SCMH1: variants seen among roughly 807,000 people sequenced by gnomAD.
SCMH1 encodes the protein polycomb protein SCMH1.
SCMH1 carries 37 observed loss-of-function variants against 70.8 expected under a neutral mutation model. The ratio of observed to expected loss-of-function variants is 0.52; its 90% CI spans 0.40 to 0.69. The LOEUF is 0.69. Among genes scored for constraint, SCMH1 ranks in the 30% least tolerant of loss-of-function variants. The pLI, the probability that SCMH1 is intolerant of heterozygous loss-of-function variation, is 0.00. For synonymous variants in SCMH1, 292 were observed against 307.4 expected (o/e 0.95, Z 0.52); for missense variants, 607 against 827.3 (o/e 0.73, Z 3.27).
intron 5 of SCMH1, among the ~76,000 whole-genome samples, chr1:41,146,547 T>A (rs879745193): frequency 5.2e-5 from 7 of 135,890 alleles, no homozygotes; most frequent in South Asian, 2.2e-4. Flanking sequence ...TATACCATAT[T>A]TTTTTTTTTA....
chr1:41,105,355 T>C (rs1667644592), intron 8 of SCMH1, among the ~76,000 whole-genome samples: 1 of 152,198 alleles, frequency 6.6e-6, no homozygotes, highest in Non-Finnish European at 1.5e-5. Flanking sequence ...ATAACGGCTT[T>C]AGATGAGGAT....
chr1:41,100,634 C>T (rs1348269448), intron 8 of SCMH1, among the ~76,000 whole-genome samples: 8 of 149,148 alleles, frequency 5.4e-5, no homozygotes, highest in Non-Finnish European at 8.9e-5. Flanking sequence ...GGCACGATCT[C>T]GGCTCACTGC....
intron 10 of SCMH1, among the ~76,000 whole-genome samples, chr1:41,067,504 C>T (rs572432826): frequency 7.4e-6 from 1 of 134,692 alleles, no homozygotes; most frequent in Non-Finnish European, 1.6e-5. Context: ...CATGAAAATA[C>T]ATGGAATAAA....
intron 2 of SCMH1, among the ~76,000 whole-genome samples, chr1:41,176,206 A>C (rs1647119659): frequency 6.6e-6 from 1 of 151,662 alleles, no homozygotes; most frequent in Non-Finnish European, 1.5e-5. Flanking sequence ...AAAACAAAAA[A>C]AAAAAAGGAA....
chr1:41,046,406 C>G lies in SCMH1; in HGVS notation c.1498+1G>C. On this transcript the variant is annotated splice_donor_variant, in intron 12 of 14. Transcript: ENST00000337495. LOFTEE classifies it high-confidence loss of function. ...AGCCCAGGCCCCATCCCAGCTCCTACCTGGTAGGTACCTGTCGTGGCTGTG... is the reference window on the plus strand; with the variant it reads ...AGCCCAGGCCCCATCCCAGCTCCTAGCTGGTAGGTACCTGTCGTGGCTGTG... The G allele has an allele frequency of 6.2e-7, 1 of 1,613,684 alleles. No individual in the cohort carries two copies.
chr1:41,030,620 C>T (rs1644384952), intron 13 of SCMH1, among the ~76,000 whole-genome samples: 1 of 152,114 alleles, frequency 6.6e-6, no homozygotes, highest in Non-Finnish European at 1.5e-5. Flanking sequence ...TAAAAATGCT[C>T]AATTCCCCGC....
chr1:41,080,264 C>A lies in SCMH1; in HGVS notation c.746-4813G>T, dbSNP rs145126695. ...ATCTTTCCACAAAGAAAATCCCAGGCCTAAACTGGCTTCACTGATGAATTC... is the reference window on the plus strand; with the variant it reads ...ATCTTTCCACAAAGAAAATCCCAGGACTAAACTGGCTTCACTGATGAATTC... On this transcript the variant is annotated intron_variant, in intron 8 of 14. Coordinates refer to ENST00000337495, the Ensembl canonical transcript of SCMH1. Among the ~76,000 whole-genome samples the A allele has an allele frequency of 2.2e-3, 332 of 152,072 alleles. 1 individual carries two copies. Among genetic ancestry groups the A allele is most frequent in the Non-Finnish European group, 2.4e-3 (165 of 67,962 alleles).
intron 5 of SCMH1, among the ~76,000 whole-genome samples, chr1:41,148,886 G>A (rs1352857148): frequency 1.3e-5 from 2 of 152,138 alleles, no homozygotes; most frequent in Admixed American, 6.5e-5. Flanking sequence ...CGCCTCCCAG[G>A]TTCATAAAAT....
At chr1:41,061,082 C>A (rs1652454278) in intron 10 of SCMH1, among the ~76,000 whole-genome samples, 1 of 152,150 alleles carries the variant, frequency 6.6e-6, no homozygotes, top group South Asian at 2.1e-4. Flanking sequence ...TAATCAACTC[C>A]TATCTTATCT....
intron 10 of SCMH1, among the ~76,000 whole-genome samples, chr1:41,067,034 A>G (rs1298809447): frequency 6.6e-6 from 1 of 152,228 alleles, no homozygotes; most frequent in Non-Finnish European, 1.5e-5. Context: ...AGATATTTAC[A>G]GCAGCTTTAT....
chr1:41,209,439 C>T (rs971901061), intron 1 of SCMH1, among the ~76,000 whole-genome samples: 13 of 152,170 alleles, frequency 8.5e-5, no homozygotes, highest in South Asian at 2.1e-4. Context: ...ACCAATATCC[C>T]CGATGAACAT....
chr1:41,074,429 TG>T (rs375576142), intron 9 of SCMH1, among the ~76,000 whole-genome samples: 40 of 152,178 alleles, frequency 2.6e-4, no homozygotes, highest in African/African-American at 9.4e-4. Flanking sequence ...GTGAAAATCA[TG>T]GGATATGTAT....
chr1:41,199,764 A>G (rs1054488512), intron 1 of SCMH1, among the ~76,000 whole-genome samples: 20 of 152,082 alleles, frequency 1.3e-4, no homozygotes, highest in Admixed American at 1.0e-3. Context: ...AAAACTTCCT[A>G]TTGGGTACTA....
intron 6 of SCMH1, among the ~76,000 whole-genome samples, chr1:41,138,413 T>C (rs1643700808): frequency 6.6e-6 from 1 of 152,232 alleles, no homozygotes; most frequent in African/African-American, 2.4e-5. Context: ...TACATACATA[T>C]ACATATCGTG....
chr1:41,157,209 C>G (rs780170827), intron 4 of SCMH1, among the ~76,000 whole-genome samples: 15 of 152,090 alleles, frequency 9.9e-5, no homozygotes, highest in Admixed American at 8.5e-4. Context: ...GTGTTTACCA[C>G]ATATTTGCTA....
At chr1:41,179,099 C>G (rs1316162430) in intron 2 of SCMH1, among the ~76,000 whole-genome samples, 1 of 152,146 alleles carries the variant, frequency 6.6e-6, no homozygotes, top group East Asian at 1.9e-4. Flanking sequence ...AACCGCTCAA[C>G]TACATGGAAA....
intron 2 of SCMH1, among the ~76,000 whole-genome samples, chr1:41,176,428 A>T (rs1466361820): frequency 6.6e-6 from 1 of 152,190 alleles, no homozygotes; most frequent in Non-Finnish European, 1.5e-5. Flanking sequence ...CAGCGCACTG[A>T]GCATGAGCCG....
chr1:41,235,774 T>C (rs949215033), intron 1 of SCMH1, among the ~76,000 whole-genome samples: 1 of 152,152 alleles, frequency 6.6e-6, no homozygotes, highest in Non-Finnish European at 1.5e-5. Flanking sequence ...CTTAATTTGG[T>C]ATTTATAATT....
intron 8 of SCMH1, among the ~76,000 whole-genome samples, chr1:41,109,463 C>T (rs1557479664): frequency 6.6e-6 from 1 of 152,162 alleles, no homozygotes; most frequent in East Asian, 1.9e-4. Flanking sequence ...TGAGTAACCA[C>T]ATTTTTTCCA....
Sources: allele counts gnomAD v4.1 joint callset (sites outside exome capture counted in the v4.1 genomes callset), GRCh38; gene constraint gnomAD v4.1.1; transcripts MANE v1.5; gene names NCBI Gene and HGNC (gene_info 2026-07-23, HGNC 2026-07-21).